Variants in NHSL2 observed in about 807,000 individuals in gnomAD.
NHSL2 encodes the protein NHS-like protein 2.
In NHSL2, 27 loss-of-function variants were observed where a neutral mutation model predicts 53.4. The observed-to-expected ratio is 0.51, with a 90% CI of 0.37 to 0.70. NHSL2 has a LOEUF of 0.70. Ranked by LOEUF, NHSL2 falls within the 30% of genes least tolerant of loss-of-function variation. The pLI is 0.00. For missense variants in NHSL2, 892 were observed against 980.1 expected, an observed-to-expected ratio of 0.91 and a Z score of 1.20; for synonymous variants, 408 against 404.1, an observed-to-expected ratio of 1.01 and a Z score of -0.12.
chrX:72,069,650 G>T (rs1375116049), intron 1 of NHSL2: 2 of 930,729 alleles, frequency 2.1e-6, no homozygotes, highest in Non-Finnish European at 2.7e-6. Flanking sequence ...GGAGGAGGTG[G>T]CAGCGGCCGC....
Position 72,137,895 on chromosome X carries a change from T to C in NHSL2, c.893-546T>C, listed in dbSNP as rs552269988. 2.7e-5 allele frequency among the ~76,000 whole-genome samples: 3 copies of C among 111,962 alleles called. No homozygotes were observed. The South Asian group carries it at 1.1e-3, about 42-fold the overall frequency. ...TTGTTTGTGTGTATGAGAAAACCTT[T>C]GGGGATTTGGAACATCCAAACGGTT... On this transcript the variant is annotated intron_variant, in intron 5 of 7. Transcript: ENST00000633930.
chrX:72,131,243 A>C, intron 1 of NHSL2: 1 of 1,201,293 alleles, frequency 8.3e-7, no homozygotes, highest in Non-Finnish European at 1.1e-6. Context: ...AGATCATCCG[A>C]GATACAGTCG....
chrX:71,996,587 C>T (rs1215537203), intron 1 of NHSL2, among the ~76,000 whole-genome samples: 3 of 112,581 alleles, frequency 2.7e-5, no homozygotes, highest in Non-Finnish European at 5.6e-5. Flanking sequence ...GCATTTGTTA[C>T]ATTAAATTTT....
At chrX:72,047,788 A>G (rs932297037) in intron 1 of NHSL2, among the ~76,000 whole-genome samples, 4 of 111,400 alleles carry the variant, frequency 3.6e-5, no homozygotes, top group Non-Finnish European at 7.5e-5. Context: ...GAGACTGCCC[A>G]GTCAGTTCAG....
intron 1 of NHSL2, among the ~76,000 whole-genome samples, chrX:71,918,056 C>T (rs2041637553): frequency 9.0e-6 from 1 of 111,632 alleles, no homozygotes; most frequent in Admixed American, 9.5e-5. Context: ...CAGATGAGAC[C>T]CAGGCAACCT....
chrX:72,089,900 A>G (rs1309213697), intron 1 of NHSL2, among the ~76,000 whole-genome samples: 1 of 112,080 alleles, frequency 8.9e-6, no homozygotes, highest in African/African-American at 3.2e-5. Flanking sequence ...TTAGGGTAAA[A>G]AATGAAAGTC....
At chrX:72,070,558 TC>T (rs1314431829) in intron 1 of NHSL2, among the ~76,000 whole-genome samples, 2 of 111,685 alleles carry the variant, frequency 1.8e-5, no homozygotes, top group Admixed American at 9.4e-5. Flanking sequence ...CTTCTCTTCA[TC>T]CATTCACCCA....
chrX:72,129,286 G>A (rs766496766), intron 1 of NHSL2: 3 of 114,233 alleles, frequency 2.6e-5, no homozygotes, highest in Admixed American at 9.1e-5. Flanking sequence ...CATGAAATGA[G>A]TGTAGGATTC....
chrX:72,129,955 G>T, intron 1 of NHSL2: 3 of 1,211,605 alleles, frequency 2.5e-6, no homozygotes, highest in Non-Finnish European at 3.4e-6. Context: ...AATCAGTTGG[G>T]GGGAGCTGTA....
intron 1 of NHSL2, among the ~76,000 whole-genome samples, chrX:72,085,711 T>C (rs2041834086): frequency 1.5e-5 from 1 of 67,203 alleles, no homozygotes; most frequent in African/African-American, 4.1e-5. Flanking sequence ...TTTGTTTTTT[T>C]TTTGTTTTTT....
chrX:72,063,489 C>A (rs896191377), intron 1 of NHSL2, among the ~76,000 whole-genome samples: 26 of 112,194 alleles, frequency 2.3e-4, no homozygotes, highest in African/African-American at 8.4e-4. Context: ...GTTGACCATG[C>A]CCAGGACTAC....
Position 71,922,687 on chromosome X carries a change from A to G in NHSL2, c.280+11320A>G, listed in dbSNP as rs527506020. On this transcript the variant is annotated intron_variant, in intron 1 of 7. Transcript: ENST00000633930. The stretch of plus-strand genomic sequence containing the variant: ...AAGAGGCTTCAGCATCTTCAGAGGA[A>G]TCTGTTTAAGAAGGCTGAGAAGGGT... 4.2e-4 allele frequency among the ~76,000 whole-genome samples: 47 copies of G among 112,095 alleles called. No individual in the cohort carries two copies. The South Asian group carries it at 0.018, about 42-fold the overall frequency.
chrX:72,127,182 A>C (rs2042234348), intron 1 of NHSL2: 1 of 110,889 alleles, frequency 9.0e-6, no homozygotes, highest in Non-Finnish European at 1.9e-5. Context: ...TCTTCACAAC[A>C]CAGTAATGCA....
At chrX:72,110,989 GA>G (rs1400801856) in intron 1 of NHSL2, among the ~76,000 whole-genome samples, 4 of 111,155 alleles carry the variant, frequency 3.6e-5, no homozygotes, top group South Asian at 3.7e-4. Flanking sequence ...ATTATTTTAA[GA>G]AAAAAAAATT....
At chrX:72,039,449 A>C (rs1049341147) in intron 1 of NHSL2, among the ~76,000 whole-genome samples, 1 of 111,677 alleles carries the variant, frequency 9.0e-6, no homozygotes, top group African/African-American at 3.3e-5. Flanking sequence ...CAATGATGCT[A>C]TCAAATGCCT....
At chrX:71,949,296 G>T (rs750561760) in intron 1 of NHSL2, among the ~76,000 whole-genome samples, 1 of 111,125 alleles carries the variant, frequency 9.0e-6, no homozygotes, top group African/African-American at 3.3e-5. Context: ...TGGGCTGGGC[G>T]TGGGTGAGAA....
intron 1 of NHSL2, among the ~76,000 whole-genome samples, chrX:72,055,989 G>T (rs1190446084): frequency 3.6e-5 from 4 of 111,720 alleles, no homozygotes; most frequent in African/African-American, 9.8e-5. Flanking sequence ...TAAGTAAATT[G>T]CTTTTTTTGT....
chrX:72,143,518 A>G lies in NHSL2; in HGVS notation c.3622A>G (p.Arg1208Gly). The change falls in exon 8 of 8, where the codon AGA becomes GGA. Residue 1208 changes from arginine (R) to glycine (G), a missense_variant. Arg to Gly is a moderately radical substitution (Grantham distance 125, BLOSUM62 -2). Transcript: ENST00000633930. Reference protein sequence around the residue: ...LLKTTNPLARRIIAQFSKDYE... With the variant: ...LLKTTNPLARGIIAQFSKDYE... ...GAAGACCACTAACCCACTGGCTCGG[A>G]GAATTATTGCACAATTTTCAAAAGA... The G allele has an allele frequency of 8.6e-7, 1 of 1,167,037 alleles. No homozygotes were observed. The highest frequency in any genetic ancestry group is 1.8e-5 in the African/African-American group (1 of 56,284).
At chrX:72,033,124 C>T (rs775388130) in intron 1 of NHSL2, among the ~76,000 whole-genome samples, 6 of 108,632 alleles carry the variant, frequency 5.5e-5, no homozygotes, top group South Asian at 7.8e-4. Context: ...AAAAGAAAAA[C>T]GTTGTGGGAT....
Sources: allele counts gnomAD v4.1 joint callset (sites outside exome capture counted in the v4.1 genomes callset), GRCh38; gene constraint gnomAD v4.1.1; transcripts MANE v1.5; gene names NCBI Gene and HGNC (gene_info 2026-07-23, HGNC 2026-07-21).